Variants in FARP1 observed in about 807,000 individuals in gnomAD.
The protein encoded by FARP1 is FERM, ARHGEF and pleckstrin domain-containing protein 1.
In FARP1, 52 loss-of-function variants were observed where a neutral mutation model predicts 128.8. The ratio of observed to expected loss-of-function variants is 0.40; its 90% CI spans 0.32 to 0.51. FARP1 has a LOEUF of 0.51. Ranked by LOEUF, FARP1 falls within the 20% of genes least tolerant of loss-of-function variation. The pLI, the probability that FARP1 is intolerant of heterozygous loss-of-function variation, is 0.45. For synonymous variants in FARP1, 580 were observed against 551.8 expected (o/e 1.05, Z -0.72); for missense variants, 1,333 against 1,367.9 (o/e 0.97, Z 0.40).
rs1181724175 is a variant in FARP1 at position 98,309,353 on chromosome 13, TAGAG to T, written c.172-34407_172-34404del. On this transcript the variant is annotated intron_variant, in intron 2 of 26. Transcript: ENST00000319562. ...GGCTATTTTTTTTTTGTATTTTTAG[TAGAG>T]ACGGGGTTTCACCGTGTTAGCCAGG... Among the ~76,000 whole-genome samples the T allele has an allele frequency of 5.4e-3, 807 of 150,524 alleles. 7 individuals are homozygous for T. Among genetic ancestry groups the T allele is most frequent in the African/African-American group, 0.018 (747 of 40,934 alleles).
intron 3 of FARP1, among the ~76,000 whole-genome samples, chr13:98,350,901 G>A (rs1888389011): frequency 6.6e-6 from 1 of 152,074 alleles, no homozygotes; most frequent in Non-Finnish European, 1.5e-5. Context: ...GTCACCTTCA[G>A]GGCCAGGTAC....
chr13:98,192,552 G>A (rs1034430449), intron 1 of FARP1, among the ~76,000 whole-genome samples: 10 of 152,012 alleles, frequency 6.6e-5, no homozygotes, highest in African/African-American at 2.4e-4. Context: ...ACGACGCCTG[G>A]GTAATTTTCT....
chr13:98,350,316 A>C (rs1322582348), intron 3 of FARP1, among the ~76,000 whole-genome samples: 1 of 152,178 alleles, frequency 6.6e-6, no homozygotes, highest in African/African-American at 2.4e-5. Flanking sequence ...TTGTTTAATT[A>C]ATAGATTTAA....
At chr13:98,321,692 G>T (rs143288235) in intron 2 of FARP1, among the ~76,000 whole-genome samples, 1 of 152,314 alleles carries the variant, frequency 6.6e-6, no homozygotes, top group African/African-American at 2.4e-5. Context: ...GTTAAGGGAA[G>T]CCTCTTGGCC....
intron 2 of FARP1, among the ~76,000 whole-genome samples, chr13:98,300,671 G>A (rs746480639): frequency 1.9e-4 from 29 of 152,144 alleles, no homozygotes; most frequent in Middle Eastern, 3.4e-3. Context: ...ACCCTTCCCC[G>A]TCCCCTCTGT....
chr13:98,263,387 A>T (rs1257733380), intron 2 of FARP1, among the ~76,000 whole-genome samples: 1 of 152,222 alleles, frequency 6.6e-6, no homozygotes, highest in Non-Finnish European at 1.5e-5. Flanking sequence ...GTGGAATGGG[A>T]ATAATTGTAT....
At position 98,212,120 on chromosome 13, in the gene FARP1, A is replaced by G. The variant is rs564441860; in HGVS notation, c.-23-1100A>G. 5.3e-5 allele frequency among the ~76,000 whole-genome samples: 8 copies of G among 152,284 alleles called. No homozygotes were observed. The East Asian group carries it at 7.7e-4, about 15-fold the overall frequency. Reference sequence around the variant, plus strand: ...CCCCAGGCTGGAGTGCAGTGGTGCAATGTTGGCTCACTGCAACCTCCACCT... The same window carrying G: ...CCCCAGGCTGGAGTGCAGTGGTGCAGTGTTGGCTCACTGCAACCTCCACCT... On this transcript the variant is annotated intron_variant, in intron 1 of 26. Coordinates refer to ENST00000319562, the MANE Select transcript of FARP1 (RefSeq NM_005766.4).
At position 98,410,831 on chromosome 13, in the gene FARP1, C is replaced by G. The variant is rs1436624742; in HGVS notation, c.1692+8C>G. On this transcript the variant is annotated splice_region_variant and intron_variant, in intron 15 of 26. Transcript: ENST00000319562. ...CTCGAAGTTATCACTTCGGTATGTG[C>G]AGTATTTCCCCAAAAGCATTCGATT... is the stretch of plus-strand genomic sequence containing the variant. 5 of 1,433,608 alleles carry G rather than the reference C, an allele frequency of 3.5e-6. No individual in the cohort carries two copies. The highest frequency in any genetic ancestry group is 3.5e-4 in the Middle Eastern group (2 of 5,686). 88.8% of individuals were successfully genotyped at this position (1,433,608 alleles called of 1,614,324 possible).
At chr13:98,333,508 AAAG>A (rs1359130305) in intron 2 of FARP1, 2 of 152,414 alleles carry the variant, frequency 1.3e-5, no homozygotes, top group East Asian at 3.9e-4. Flanking sequence ...TTTTGGAATG[AAAG>A]AAGGAGGGAG....
At chr13:98,377,763 G>C in intron 5 of FARP1, 58 bp from the exon 6 acceptor site, 1 of 1,319,398 alleles carries the variant, frequency 7.6e-7, no homozygotes, top group Admixed American at 1.7e-5. Flanking sequence ...GGTGAGGCCA[G>C]GTTCCCGGTG....
intron 2 of FARP1, among the ~76,000 whole-genome samples, chr13:98,255,716 G>A (rs1315614829): frequency 6.6e-6 from 1 of 152,138 alleles, no homozygotes; most frequent in African/African-American, 2.4e-5. Context: ...GTTAGCAAAG[G>A]CTAAGATCAT....
At chr13:98,341,764 GT>G (rs1418548553) in intron 2 of FARP1, among the ~76,000 whole-genome samples, 15 of 152,252 alleles carry the variant, frequency 9.9e-5, no homozygotes, top group African/African-American at 3.6e-4. Context: ...CACTGGGAAT[GT>G]ACATAGTGAA....
chr13:98,202,066 C>G lies in FARP1; in HGVS notation c.-23-11154C>G, dbSNP rs1786602620. On this transcript the variant is annotated intron_variant, in intron 1 of 26. Coordinates refer to ENST00000319562, the MANE Select transcript of FARP1 (RefSeq NM_005766.4). ...CTGTTTTTGAACTTTCTCAAAACCC[C>G]TTACCTAACCCCTTGTGAGAAGTCA... is the stretch of plus-strand genomic sequence containing the variant. Among the ~76,000 whole-genome samples the G allele has an allele frequency of 5.3e-5, 8 of 152,222 alleles. 1 individual carries two copies. Among genetic ancestry groups the G allele is most frequent in the Admixed American group, 5.2e-4 (8 of 15,284 alleles).
At chr13:98,165,286 CTTT>C (rs925048544) in intron 1 of FARP1, among the ~76,000 whole-genome samples, 2 of 148,754 alleles carry the variant, frequency 1.3e-5, no homozygotes, top group Admixed American at 6.8e-5. Flanking sequence ...TCTCATTCTT[CTTT>C]ATCCTTTAAG....
At position 98,395,317 on chromosome 13, in the gene FARP1, G is replaced by C. The variant is rs749352073; in HGVS notation, c.1255G>C (p.Ala419Pro). The C allele has an allele frequency of 2.0e-5, 33 of 1,610,066 alleles. No individual in the cohort carries two copies. The East Asian group carries it at 7.4e-4, about 36-fold the overall frequency. ...CRRGKEPKVSAGEPGSHPSPA... is the reference protein window; with the variant it reads ...CRRGKEPKVSPGEPGSHPSPA... The stretch of plus-strand genomic sequence containing the variant: ...GCGAGGAAAGGAACCGAAGGTTTCC[G>C]CCGGGGAGCCGGGGTCGCACCCGAG... The change falls in exon 13 of 27, where the codon GCC (alanine) becomes CCC (proline). Residue 419 changes from alanine to proline, a missense_variant. Transcript: ENST00000319562.
chr13:98,142,645 T>C (rs1449315809), upstream of FARP1: 1 of 152,160 alleles, frequency 6.6e-6, no homozygotes, highest in Admixed American at 6.5e-5. Flanking sequence ...CCCTGAAGAC[T>C]GTCCTCCCCG....
At chr13:98,359,068 C>A (rs1239151412) in intron 3 of FARP1, among the ~76,000 whole-genome samples, 2 of 152,136 alleles carry the variant, frequency 1.3e-5, no homozygotes, top group Non-Finnish European at 2.9e-5. Flanking sequence ...TTGTTTTTGT[C>A]ATATGCTGTT....
At chr13:98,288,712 T>G (rs1885312579) in intron 2 of FARP1, among the ~76,000 whole-genome samples, 1 of 152,230 alleles carries the variant, frequency 6.6e-6, no homozygotes, top group African/African-American at 2.4e-5. Flanking sequence ...GATCATTGTT[T>G]TGATGGCGGT....
intron 1 of FARP1, among the ~76,000 whole-genome samples, chr13:98,167,501 C>T (rs1323488861): frequency 1.3e-5 from 2 of 151,542 alleles, no homozygotes; most frequent in Admixed American, 1.3e-4. Context: ...CCTCTGCCTC[C>T]CTGGTTCAAG....
Sources: gnomAD v4.1 joint callset for allele counts (sites outside exome capture counted in the v4.1 genomes callset) on GRCh38, gnomAD v4.1.1 for gene constraint, MANE v1.5 for transcripts, NCBI Gene and HGNC (gene_info 2026-07-23, HGNC 2026-07-21) for gene names.